The following DYNLT2 variants were observed in gnomAD, a reference collection of about 807,000 sequenced individuals.
DYNLT2 encodes dynein light chain Tctex-type 2, also known as dynein light chain Tctex-type protein 2.
In DYNLT2, 24 loss-of-function variants were observed where a neutral mutation model predicts 24.3. The ratio of observed to expected loss-of-function variants is 0.99; its 90% confidence interval spans 0.71 to 1.39. The LOEUF is 1.39. DYNLT2 is among the 40% of genes most tolerant of loss of function. The pLI is 0.00. For missense variants in DYNLT2, 246 were observed against 234.5 expected, an observed-to-expected ratio of 1.05 and a Z score of -0.32; for synonymous variants, 85 against 85.4, an observed-to-expected ratio of 1.00 and a Z score of 0.03.
chr6:169,738,510 ACC>A (rs1343960944), downstream of DYNLT2, among the ~76,000 whole-genome samples: 1 of 151,462 alleles, frequency 6.6e-6, no homozygotes, highest in African/African-American at 2.4e-5. Context: ...CTTACTCACC[ACC>A]TCCCCTGGCT....
Position 169,741,406 on chromosome 6 carries a change from T to C in DYNLT2, c.487-1111A>G, listed in dbSNP as rs149679084. 5.8e-3 allele frequency among the ~76,000 whole-genome samples: 878 copies of C among 152,222 alleles called. 4 individuals are homozygous for C. The highest frequency in any genetic ancestry group is 0.033 in the East Asian group (170 of 5,160). The stretch of plus-strand genomic sequence containing the variant: ...CCAGTCAGACAAGTGACAGAAGCCA[T>C]CTTGGACCTGCAGGCCCAGGTAAGT... On this transcript the variant is annotated intron_variant, in intron 3 of 3. Transcript: ENST00000366774.
intron 1 of DYNLT2, among the ~76,000 whole-genome samples, chr6:169,744,549 A>T (rs953257106): frequency 6.6e-6 from 1 of 152,198 alleles, no homozygotes; most frequent in Non-Finnish European, 1.5e-5. Context: ...TAGAATATCC[A>T]TGGATGATCC....
the DYNLT2 span, among the ~76,000 whole-genome samples, chr6:169,727,357 A>G: frequency 1.3e-5 from 2 of 152,180 alleles, no homozygotes; most frequent in African/African-American, 4.8e-5. Flanking sequence ...GTATACTGAA[A>G]AGAATGACTG....
At chr6:169,747,073 C>T (rs114636405) in intron 1 of DYNLT2, among the ~76,000 whole-genome samples, 2,039 of 151,452 alleles carry the variant, frequency 0.013, 34 homozygotes, top group African/African-American at 0.045. Flanking sequence ...GCTTTTTGAA[C>T]GATATTTTAG....
At chr6:169,740,869 C>T (rs1215671930) in intron 3 of DYNLT2, among the ~76,000 whole-genome samples, 3 of 150,142 alleles carry the variant, frequency 2.0e-5, no homozygotes, top group Admixed American at 1.3e-4. Context: ...AGTGTAATGG[C>T]GTGATCTCGG....
intron 1 of DYNLT2, chr6:169,751,037 C>T (rs1790017046): frequency 3.1e-6 from 1 of 321,442 alleles, no homozygotes; most frequent in Non-Finnish European, 5.7e-6. Context: ...AGAGTACTCT[C>T]AGGAAATCCG....
chr6:169,733,278 T>C, the DYNLT2 span, among the ~76,000 whole-genome samples: 1,398 of 152,322 alleles, frequency 9.2e-3, 18 homozygotes, highest in African/African-American at 0.031. Context: ...GTACAGAAGC[T>C]CTTTAGTTTA....
downstream of DYNLT2, among the ~76,000 whole-genome samples, chr6:169,738,383 G>A (rs868018564): frequency 2.4e-4 from 36 of 152,372 alleles, no homozygotes; most frequent in African/African-American, 8.7e-4. Context: ...GTACGAATCT[G>A]CGCGTTCCAG....
At chr6:169,726,603 C>A in the DYNLT2 span, among the ~76,000 whole-genome samples, 1 of 152,140 alleles carries the variant, frequency 6.6e-6, no homozygotes, top group African/African-American at 2.4e-5. Context: ...ACAAAGATTT[C>A]AAGTTAAGAC....
intron 1 of DYNLT2, among the ~76,000 whole-genome samples, chr6:169,748,704 T>C (rs566629174): frequency 3.9e-4 from 60 of 152,314 alleles, no homozygotes; most frequent in African/African-American, 1.2e-3. Flanking sequence ...CTCCACAATA[T>C]ACTCAAGGGA....
chr6:169,741,857 A>G (rs1414811034), intron 3 of DYNLT2, among the ~76,000 whole-genome samples: 3 of 152,084 alleles, frequency 2.0e-5, no homozygotes, highest in Non-Finnish European at 4.4e-5. Flanking sequence ...ATCATCTACA[A>G]CGTCCCTATT....
At chr6:169,726,472 A>T in the DYNLT2 span, among the ~76,000 whole-genome samples, 1 of 152,238 alleles carries the variant, frequency 6.6e-6, no homozygotes, top group African/African-American at 2.4e-5. Flanking sequence ...GAGGGGTGGG[A>T]AAATAGACAT....
chr6:169,728,609 T>C, the DYNLT2 span, among the ~76,000 whole-genome samples: 3 of 152,252 alleles, frequency 2.0e-5, no homozygotes, highest in Non-Finnish European at 4.4e-5. Flanking sequence ...TTAAGAACTT[T>C]TGTTGAAACA....
downstream of DYNLT2, among the ~76,000 whole-genome samples, chr6:169,737,493 T>A (rs1789585740): frequency 6.6e-6 from 1 of 152,166 alleles, no homozygotes; most frequent in African/African-American, 2.4e-5. Flanking sequence ...GACCCTTAGA[T>A]GGGGTTTTTG....
rs115764337 is a variant in DYNLT2 at position 169,746,019 on chromosome 6, C to T, written c.121-1745G>A. Among the ~76,000 whole-genome samples, 1,122 of 152,254 alleles carry T rather than the reference C, an allele frequency of 7.4e-3. 14 individuals are homozygous for T. Among genetic ancestry groups the T allele is most frequent in the African/African-American group, 0.025 (1,034 of 41,554 alleles). ...TTGGGAAATTGCATCTTTCAAGGAA[C>T]TGGTCCATTTCATCTAGGTTATCAA... On this transcript the variant is annotated intron_variant, in intron 1 of 3. Coordinates refer to ENST00000366774, the MANE Select transcript of DYNLT2 (RefSeq NM_174910.3).
intron 1 of DYNLT2, among the ~76,000 whole-genome samples, chr6:169,746,151 C>T (rs1328897480): frequency 2.0e-5 from 3 of 152,054 alleles, no homozygotes; most frequent in Admixed American, 6.6e-5. Flanking sequence ...TAATGTGTGT[C>T]CTCTCTTTCT....
intron 1 of DYNLT2, 37 bp downstream of exon 1, chr6:169,751,302 A>G (rs755947272): frequency 4.4e-6 from 7 of 1,601,394 alleles, no homozygotes; most frequent in Non-Finnish European, 6.0e-6. Flanking sequence ...ACGGTCGGAC[A>G]TAGCCGTCTC....
the DYNLT2 span, among the ~76,000 whole-genome samples, chr6:169,733,804 T>C: frequency 1.3e-5 from 2 of 152,234 alleles, no homozygotes; most frequent in Non-Finnish European, 2.9e-5. Flanking sequence ...TTAAAATAGT[T>C]TTTTCTAATT....
At chr6:169,733,590 G>A in the DYNLT2 span, among the ~76,000 whole-genome samples, 1 of 152,144 alleles carries the variant, frequency 6.6e-6, no homozygotes, top group Non-Finnish European at 1.5e-5. Context: ...AAGGTCAGAT[G>A]GCTGTAGATG....
Sources: allele counts gnomAD v4.1 joint callset (sites outside exome capture counted in the v4.1 genomes callset), GRCh38; gene constraint gnomAD v4.1.1; transcripts MANE v1.5; gene names NCBI Gene and HGNC (gene_info 2026-07-23, HGNC 2026-07-21).